The following SH3GL3 variants were observed in gnomAD, a reference collection of about 807,000 sequenced individuals.
SH3GL3 encodes the protein endophilin-A3.
SH3GL3 carries 33 observed loss-of-function variants against 47.7 expected under a neutral mutation model. The observed-to-expected ratio is 0.69, with a 90% CI of 0.52 to 0.92. The LOEUF (loss-of-function observed/expected upper bound fraction) is 0.92. Ranked by LOEUF, SH3GL3 falls within the 40% of genes least tolerant of loss-of-function variation. The pLI is 0.00. For synonymous variants in SH3GL3, 155 were observed against 148.8 expected, an observed-to-expected ratio of 1.04 and a Z score of -0.30; for missense variants, 363 against 417.8, an observed-to-expected ratio of 0.87 and a Z score of 1.14.
chr15:83,616,489 G>A (rs1368321905), intron 8 of SH3GL3, among the ~76,000 whole-genome samples: 3 of 151,970 alleles, frequency 2.0e-5, no homozygotes, highest in East Asian at 1.9e-4. Context: ...TGATCCGCCC[G>A]CCTCAGCCTC....
intron 1 of SH3GL3, among the ~76,000 whole-genome samples, chr15:83,460,055 TGCCTCCCTCCCTC>T (rs2040208038): frequency 2.0e-3 from 88 of 44,908 alleles, no homozygotes; most frequent in Non-Finnish European, 2.6e-3. Context: ...CCTCCCTCCC[TGCCTCCCTCCCTC>T]CCTTCCTTCC....
intron 1 of SH3GL3, among the ~76,000 whole-genome samples, chr15:83,502,651 G>A (rs1366216517): frequency 6.6e-6 from 1 of 152,122 alleles, no homozygotes; most frequent in Non-Finnish European, 1.5e-5. Context: ...TCGACCTTCT[G>A]GGGCTCAAGG....
At chr15:83,606,142 A>G (rs1050743333) in intron 8 of SH3GL3, among the ~76,000 whole-genome samples, 4 of 152,178 alleles carry the variant, frequency 2.6e-5, no homozygotes, top group Admixed American at 2.6e-4. Flanking sequence ...TGCTTTAAAC[A>G]TATAGGAGGC....
chr15:83,606,981 C>T (rs546988002), intron 8 of SH3GL3, among the ~76,000 whole-genome samples: 2 of 152,230 alleles, frequency 1.3e-5, no homozygotes, highest in South Asian at 2.1e-4. Flanking sequence ...GCCATTGGTG[C>T]GGTGAACAGG....
At position 83,447,866 on chromosome 15, in the gene SH3GL3, G is replaced by A. The variant is rs2039518608; in HGVS notation, c.45+288G>A. Among the ~76,000 whole-genome samples the A allele has an allele frequency of 1.3e-5, 2 of 152,180 alleles. No homozygotes were observed. Among genetic ancestry groups the A allele is most frequent in the Non-Finnish European group, 2.9e-5 (2 of 68,016 alleles). ...GGTGGCGGCCGCGGGGACTCGGGAGGCGGAGACGGAGTGGGCGTGGGGGGG... is the reference window on the plus strand; with the variant it reads ...GGTGGCGGCCGCGGGGACTCGGGAGACGGAGACGGAGTGGGCGTGGGGGGG... On this transcript the variant is annotated intron_variant, in intron 1 of 8. Coordinates refer to ENST00000427482, the MANE Select transcript of SH3GL3 (RefSeq NM_003027.5). This position sits in a 1 kb window ranked among gnomAD's most constrained non-coding sequence, Gnocchi z 5.1.
intron 1 of SH3GL3, among the ~76,000 whole-genome samples, chr15:83,531,655 A>G (rs2043680593): frequency 6.6e-6 from 1 of 152,052 alleles, no homozygotes; most frequent in African/African-American, 2.4e-5. Flanking sequence ...GTTTTGGATA[A>G]CTCATTGGCA....
At chr15:83,507,159 CCAT>C (rs1282295169) in intron 1 of SH3GL3, among the ~76,000 whole-genome samples, 1 of 151,944 alleles carries the variant, frequency 6.6e-6, no homozygotes, top group Non-Finnish European at 1.5e-5. Flanking sequence ...GCGCCCACCA[CCAT>C]GCCTGGCTAA....
At chr15:83,506,822 G>T (rs1396958585) in intron 1 of SH3GL3, among the ~76,000 whole-genome samples, 5 of 151,984 alleles carry the variant, frequency 3.3e-5, no homozygotes, top group Admixed American at 2.6e-4. Flanking sequence ...CTGATGCATA[G>T]GTTTTCAAAC....
intron 1 of SH3GL3, among the ~76,000 whole-genome samples, chr15:83,495,085 T>C (rs1403183899): frequency 6.6e-6 from 1 of 152,176 alleles, no homozygotes; most frequent in African/African-American, 2.4e-5. Flanking sequence ...GTTCCTGGTC[T>C]TGCTGTGGTC....
At chr15:83,489,808 G>A (rs1185509480) in intron 1 of SH3GL3, among the ~76,000 whole-genome samples, 3 of 151,724 alleles carry the variant, frequency 2.0e-5, no homozygotes, top group African/African-American at 7.3e-5. Context: ...GCTTATTGTT[G>A]GTGCAGTTTA....
intron 1 of SH3GL3, among the ~76,000 whole-genome samples, chr15:83,470,822 A>ATG (rs1491147809): frequency 6.6e-6 from 1 of 152,014 alleles, no homozygotes; most frequent in East Asian, 1.9e-4. Context: ...GGCTGTTCAC[A>ATG]TGTGTGTGTA....
At chr15:83,479,325 G>A (rs1255363471) in intron 1 of SH3GL3, among the ~76,000 whole-genome samples, 2 of 151,170 alleles carry the variant, frequency 1.3e-5, no homozygotes, top group Non-Finnish European at 3.0e-5. Context: ...GAGGTAGAGC[G>A]TGTGCATGTG....
At chr15:83,623,347 TG>T (rs2060920124), downstream of SH3GL3, among the ~76,000 whole-genome samples, 2 of 152,204 alleles carry the variant, frequency 1.3e-5, no homozygotes, top group Admixed American at 6.5e-5. Flanking sequence ...AGGTCTCAGC[TG>T]GGCTCACTCA....
Position 83,576,543 on chromosome 15 carries a change from A to G in SH3GL3, c.466-40A>G, listed in dbSNP as rs535783278. 7 of 1,547,918 alleles carry G rather than the reference A, an allele frequency of 4.5e-6. No homozygotes were observed. The African/African-American group carries it at 6.9e-5, about 15-fold the overall frequency. ...AATAATTTTTTGTGCCAGGTTTTGA[A>G]TGTAGCACCTCTCTGAGGGACTCCA... On this transcript the variant is annotated intron_variant, in intron 5 of 8. Coordinates refer to ENST00000427482, the MANE Select transcript of SH3GL3 (RefSeq NM_003027.5).
the SH3GL3 span, among the ~76,000 whole-genome samples, chr15:83,632,873 T>C: frequency 9.2e-5 from 14 of 152,216 alleles, no homozygotes; most frequent in Admixed American, 2.0e-4. Flanking sequence ...TAATAAGCAA[T>C]TTAAAATGGT....
At chr15:83,541,787 T>C (rs2044178219) in intron 1 of SH3GL3, among the ~76,000 whole-genome samples, 1 of 152,186 alleles carries the variant, frequency 6.6e-6, no homozygotes, top group Admixed American at 6.5e-5. Flanking sequence ...TATTCAGATC[T>C]TTTGCTCATT....
intron 8 of SH3GL3, 141 bp from the exon 9 acceptor site, chr15:83,617,941 G>C (rs1430639915): frequency 1.6e-6 from 1 of 632,778 alleles, no homozygotes; most frequent in Admixed American, 2.6e-5. Flanking sequence ...AAACGGCACC[G>C]TGAGCTGGGT....
intron 1 of SH3GL3, among the ~76,000 whole-genome samples, chr15:83,458,309 G>C (rs1293538362): frequency 6.6e-6 from 1 of 152,160 alleles, no homozygotes; most frequent in Non-Finnish European, 1.5e-5. Flanking sequence ...CTTTCCCAAT[G>C]GGAATTCCTT....
intron 1 of SH3GL3, among the ~76,000 whole-genome samples, chr15:83,545,692 T>C (rs1051404380): frequency 6.6e-6 from 1 of 152,210 alleles, no homozygotes; most frequent in African/African-American, 2.4e-5. Context: ...CAAAGGGAAT[T>C]GAGCATTTGA....
Sources: gnomAD v4.1 joint callset for allele counts (sites outside exome capture counted in the v4.1 genomes callset) on GRCh38, gnomAD v4.1.1 for gene constraint, Gnocchi (gnomAD v3.1) non-coding constraint, MANE v1.5 for transcripts, NCBI Gene and HGNC (gene_info 2026-07-23, HGNC 2026-07-21) for gene names.